CNTNAP1: variants seen among roughly 807,000 people sequenced by gnomAD.
The protein encoded by CNTNAP1 is contactin associated protein 1.
In CNTNAP1, 80 loss-of-function variants were observed where a neutral mutation model predicts 161.5. That is an observed-to-expected ratio of 0.50 (90% CI 0.41 to 0.60). The LOEUF is 0.60. CNTNAP1 is among the 20% of genes least tolerant of loss of function. The pLI is 0.00. For missense variants in CNTNAP1, 1,464 were observed against 1,854.8 expected, an observed-to-expected ratio of 0.79 and a Z score of 3.87; for synonymous variants, 695 against 733.1, an observed-to-expected ratio of 0.95 and a Z score of 0.84.
rs748366958 is a variant in CNTNAP1 at position 42,686,469 on chromosome 17, G to GTTTTTTTTTTTTTTTTT, written c.900+336_900+352dup. On this transcript the variant is annotated intron_variant, in intron 6 of 23. Transcript: ENST00000264638. ...CTTGCCACTCACCAGAAAAAGGCCT[G>GTTTTTTTTTTTTTTTTT]TTTTTTTTTTTTTTTTTTTTTTTTG... Among the ~76,000 whole-genome samples the GTTTTTTTTTTTTTTTTT allele has an allele frequency of 5.9e-4, 42 of 71,370 alleles. 4 individuals carry two copies. Among genetic ancestry groups the GTTTTTTTTTTTTTTTTT allele is most frequent in the African/African-American group, 1.0e-3 (18 of 17,428 alleles). The allele number at this position is 71,370 out of a possible 152,430, so 46.8% of individuals were successfully genotyped here. A position where few individuals can be genotyped will look rare whatever the true frequency, so the allele number is the denominator to read the frequency against.
chr17:42,688,658 G>C (rs773262858), intron 9 of CNTNAP1, 47 bp downstream of exon 9: 3 of 1,612,516 alleles, frequency 1.9e-6, no homozygotes, highest in East Asian at 2.2e-5. Flanking sequence ...GGGTGGGAAG[G>C]CTCCATCTAA....
intron 1 of CNTNAP1, 45 bp downstream of exon 1, chr17:42,682,941 C>T: frequency 1.3e-6 from 2 of 1,540,980 alleles, no homozygotes; most frequent in Non-Finnish European, 1.8e-6. Context: ...CCCAGGAGTC[C>T]AGAGCCTGCA....
Position 42,691,633 on chromosome 17 carries a change from C to G in CNTNAP1, c.2344+122C>G, listed in dbSNP as rs965758345. 2.8e-6 allele frequency: 4 copies of G among 1,436,076 alleles called. No homozygotes were observed. The Admixed American group carries it at 7.3e-5, about 26-fold the overall frequency. 89.0% of individuals were successfully genotyped at this position (1,436,076 alleles called of 1,614,324 possible). On this transcript the variant is annotated intron_variant, in intron 15 of 23. Coordinates refer to ENST00000264638, the MANE Select transcript of CNTNAP1 (RefSeq NM_003632.3). The surrounding 1 kb of genome is among the most constrained non-coding windows in gnomAD (Gnocchi z 4.3). The stretch of plus-strand genomic sequence containing the variant: ...CCGACCCCCAGCTCCTGCTGTGATG[C>G]GATCTCATTACCCCTCTGCACCTGG...
Position 42,699,270 on chromosome 17 carries a change from A to C in CNTNAP1, c.*360A>C. On this transcript the variant is annotated 3_prime_UTR_variant, in exon 24 of 24. Transcript: ENST00000264638. ...GGGGAGATTAACTGCCTCCCTTCCA[A>C]TAGACACTATCAGCAGGGACAGATG... The C allele has an allele frequency of 5.4e-6, 1 of 186,252 alleles. No homozygotes were observed. Among genetic ancestry groups the C allele is most frequent in the Non-Finnish European group, 1.1e-5 (1 of 90,610 alleles). 11.5% of individuals were successfully genotyped at this position (186,252 alleles called of 1,614,324 possible). A position where few individuals can be genotyped will look rare whatever the true frequency, so the allele number is the denominator to read the frequency against.
Position 42,695,797 on chromosome 17 carries a change from C to G in CNTNAP1, c.3269C>G (p.Thr1090Ser). The G allele has an allele frequency of 6.2e-7, 1 of 1,614,206 alleles. No individual in the cohort carries two copies. The highest frequency in any genetic ancestry group is 8.5e-7 in the Non-Finnish European group (1 of 1,180,038). ...GAGGAGGTCTCCTTCAGCTTCAGCA[C>G]CAGCTCCGCCCCTGCTGTCCTGCTC... The part of the protein sequence containing the change: ...TGEEVSFSFS[T>S]SSAPAVLLYV... Residue 1090 changes from threonine to serine, a missense_variant, in exon 19 of 24, where the codon ACC (threonine) becomes AGC (serine). By Grantham distance (58) the Thr-to-Ser change is moderately conservative. Around this residue, in one of 3 missense-constraint regions of CNTNAP1, gnomAD observed 1,383 missense variants for 1,765.0 expected, o/e 0.78. Coordinates refer to ENST00000264638, the MANE Select transcript of CNTNAP1 (RefSeq NM_003632.3).
chr17:42,692,459 C>A, intron 16 of CNTNAP1, 40 bp from the exon 17 acceptor site: 1 of 1,551,858 alleles, frequency 6.4e-7, no homozygotes, highest in South Asian at 1.1e-5. Context: ...TCTTGTAGGT[C>A]TGAGTCCTTT....
chr17:42,689,336 G>A (rs1308696065), intron 10 of CNTNAP1, among the ~76,000 whole-genome samples, 185 bp from the exon 11 acceptor site: 1 of 152,106 alleles, frequency 6.6e-6, no homozygotes, highest in Non-Finnish European at 1.5e-5. Flanking sequence ...AGGGGGAATA[G>A]TAGTACTTGA....
chr17:42,695,428 G>GT, intron 18 of CNTNAP1, 93 bp from the exon 19 acceptor site: 1 of 1,016,888 alleles, frequency 9.8e-7, no homozygotes, highest in East Asian at 2.4e-5. Context: ...AGAAACTGAA[G>GT]TAAGTCTCAG....
chr17:42,688,090 G>A, intron 8 of CNTNAP1, 109 bp downstream of exon 8: 2 of 1,467,212 alleles, frequency 1.4e-6, no homozygotes, highest in Non-Finnish European at 1.8e-6. Context: ...GGAGAGGAGT[G>A]AAGGGGGCAG....
Position 42,682,567 on chromosome 17 carries a change from G to T in CNTNAP1, c.-263G>T, listed in dbSNP as rs1048301655. 1.9e-6 allele frequency: 1 copy of T among 514,982 alleles called. No individual in the cohort carries two copies. The allele number at this position is 514,982 out of a possible 1,614,324, so 31.9% of individuals were successfully genotyped here. ...GTGCCAGGAGACAGAGGCTGGGGAA[G>T]GGGGGAGGTGAGAGGAAAGAGGGTG... On this transcript the variant is annotated 5_prime_UTR_variant, in exon 1 of 24. In the 5' UTR this introduces an upstream ATG that the reference lacks. Transcript: ENST00000264638.
intron 17 of CNTNAP1, 138 bp downstream of exon 17, chr17:42,692,858 C>A: frequency 1.4e-6 from 1 of 706,686 alleles, no homozygotes; most frequent in Non-Finnish European, 2.3e-6. Context: ...CTCACTTGTC[C>A]CTCCAGGCCT....
chr17:42,682,999 G>C, intron 1 of CNTNAP1, 103 bp downstream of exon 1: 2 of 1,099,076 alleles, frequency 1.8e-6, no homozygotes, highest in South Asian at 1.6e-5. Flanking sequence ...GGTCCTTCCC[G>C]GCCGGCGCGC....
chr17:42,690,745 G>T lies in CNTNAP1; in HGVS notation c.1862G>T (p.Arg621Leu), dbSNP rs201009923. The T allele has an allele frequency of 1.2e-6, 2 of 1,613,868 alleles. No individual in the cohort carries two copies. The highest frequency in any genetic ancestry group is 1.1e-5 in the South Asian group (1 of 91,060). ...GTCCCCTCTTGTCTGCCAGAGAACC[G>T]AGCGTGGACAGTTGTGCGGCATGAC... ...FVVYCDIRENRAWTVVRHDRL... is the reference protein window; with the variant it reads ...FVVYCDIRENLAWTVVRHDRL... Residue 621 changes from arginine to leucine, a missense_variant, in exon 13 of 24, where the codon CGA becomes CTA. Arg to Leu is a moderately radical substitution (Grantham distance 102, BLOSUM62 -2). Transcript: ENST00000264638.
chr17:42,697,056 T>A (rs958854482), intron 20 of CNTNAP1, among the ~76,000 whole-genome samples: 11 of 151,778 alleles, frequency 7.2e-5, no homozygotes, highest in Non-Finnish European at 1.3e-4. Context: ...ATAATAAAAA[T>A]ATATATACCA....
rs71276881 is a variant in CNTNAP1 at position 42,698,445 on chromosome 17, ATG to A, written c.3863-138_3863-137del. Among the ~76,000 whole-genome samples the A allele has an allele frequency of 0.025, 3,433 of 139,170 alleles. 49 individuals carry two copies. The highest frequency in any genetic ancestry group is 0.1 in the South Asian group (444 of 4,234). 91.3% of individuals were successfully genotyped at this position (139,170 alleles called of 152,430 possible). ...ACATTATGCTTTTGGCCAAAAGTAA[ATG>A]TGTGTGTGTGTGTGTGTGTGTGTGT... On this transcript the variant is annotated intron_variant, in intron 23 of 23. Coordinates refer to ENST00000264638, the MANE Select transcript of CNTNAP1 (RefSeq NM_003632.3).
chr17:42,697,673 C>G lies in CNTNAP1; in HGVS notation c.3688C>G (p.Pro1230Ala). The G allele has an allele frequency of 6.2e-7, 1 of 1,614,186 alleles. No individual in the cohort carries two copies. Among genetic ancestry groups the G allele is most frequent in the Non-Finnish European group, 8.5e-7 (1 of 1,180,044 alleles). ...CAAGACCCACTTCCGAACCCCTCGA[C>G]CCATGACTGCTGAGCTAGCTGAGGC... Reference protein sequence around the residue: ...PLKTHFRTPRPMTAELAEALR... With the variant: ...PLKTHFRTPRAMTAELAEALR... Residue 1230 changes from proline (P) to alanine (A), a missense_variant, in exon 22 of 24, where the codon CCC becomes GCC. Pro to Ala is a conservative substitution (Grantham distance 27). Coordinates refer to ENST00000264638, the MANE Select transcript of CNTNAP1 (RefSeq NM_003632.3).
At chr17:42,688,734 C>T in intron 9 of CNTNAP1, 123 bp downstream of exon 9, 1 of 1,514,326 alleles carries the variant, frequency 6.6e-7, no homozygotes, top group Non-Finnish European at 9.1e-7. Flanking sequence ...TCTGGGGCCT[C>T]AGGGAGTGGA....
In CNTNAP1 at chr17:42,691,834, C is replaced by T; in HGVS notation, c.2373C>T (p.His791=). ...DRNSWNTISF[H]TGAALRFPPI... ...ATTCCTGGAACACCATTTCCTTCCA[C>T]ACCGGGGCTGCACTACGCTTCCCCC... The change falls in exon 16 of 24, where the codon CAC becomes CAT. Residue 791 remains histidine, a synonymous_variant. Coordinates refer to ENST00000264638, the MANE Select transcript of CNTNAP1 (RefSeq NM_003632.3). This position sits in a 1 kb window ranked among gnomAD's most constrained non-coding sequence, Gnocchi z 4.3. The T allele has an allele frequency of 6.2e-7, 1 of 1,614,144 alleles. No homozygotes were observed. Among genetic ancestry groups the T allele is most frequent in the Non-Finnish European group, 8.5e-7 (1 of 1,180,026 alleles).
intron 1 of CNTNAP1, chr17:42,683,122 C>A (rs2052959079): frequency 5.0e-6 from 3 of 604,828 alleles, no homozygotes; most frequent in South Asian, 2.0e-5. Flanking sequence ...ATGAAGTCAG[C>A]GGGCAGGGAT....
Sources: allele counts gnomAD v4.1 joint callset (sites outside exome capture counted in the v4.1 genomes callset), GRCh38; gene constraint gnomAD v4.1.1; regional missense constraint gnomAD v4.1.1; non-coding constraint Gnocchi (gnomAD v3.1); transcripts MANE v1.5; gene names NCBI Gene and HGNC (gene_info 2026-07-23, HGNC 2026-07-21).